The following SV2C variants were observed in gnomAD, a reference collection of about 807,000 sequenced individuals.
SV2C encodes solute carrier family 22 member B3.
SV2C carries 49 observed loss-of-function variants against 79.7 expected under a neutral mutation model. The ratio of observed to expected loss-of-function variants is 0.61; its 90% CI spans 0.49 to 0.78. The LOEUF is 0.78. SV2C is among the 30% of genes least tolerant of loss of function. The pLI, the probability that SV2C is intolerant of heterozygous loss-of-function variation, is 0.00. For synonymous variants in SV2C, 334 were observed against 333.2 expected, an observed-to-expected ratio of 1.00 and a Z score of -0.03; for missense variants, 833 against 912.9, an observed-to-expected ratio of 0.91 and a Z score of 1.13.
chr5:75,936,388 T>C, the SV2C span, among the ~76,000 whole-genome samples: 1 of 152,196 alleles, frequency 6.6e-6, no homozygotes, highest in Admixed American at 6.5e-5. Context: ...AGAAAGACTT[T>C]GATTGTGTCA....
chr5:76,030,092 A>G, the SV2C span, among the ~76,000 whole-genome samples: 1 of 152,100 alleles, frequency 6.6e-6, no homozygotes, highest in African/African-American at 2.4e-5. Flanking sequence ...AAGGATTTTA[A>G]TGATTACCTA....
chr5:76,025,911 A>T, the SV2C span, among the ~76,000 whole-genome samples: 1 of 152,196 alleles, frequency 6.6e-6, no homozygotes, highest in South Asian at 2.1e-4. Context: ...TAGATGAGAC[A>T]TGTTTTTCAG....
chr5:76,197,521 G>C (rs188835869), intron 3 of SV2C, among the ~76,000 whole-genome samples: 1 of 152,108 alleles, frequency 6.6e-6, no homozygotes, highest in Non-Finnish European at 1.5e-5. Context: ...GCTGAGGGGG[G>C]AGTCATGTGA....
intron 1 of SV2C, among the ~76,000 whole-genome samples, chr5:76,099,823 C>A (rs1341177121): frequency 6.6e-6 from 1 of 152,158 alleles, no homozygotes; most frequent in Non-Finnish European, 1.5e-5. Flanking sequence ...AATTTCTCAT[C>A]CACCATTTCA....
At chr5:76,012,401 T>G in the SV2C span, among the ~76,000 whole-genome samples, 1 of 152,226 alleles carries the variant, frequency 6.6e-6, no homozygotes, top group African/African-American at 2.4e-5. Flanking sequence ...GCCACACAAA[T>G]GTCTTCTTTT....
chr5:76,347,846 A>C (rs1025107593), intron 12 of SV2C, among the ~76,000 whole-genome samples: 1 of 152,206 alleles, frequency 6.6e-6, no homozygotes, highest in African/African-American at 2.4e-5. Context: ...CTGCCCTGAT[A>C]CACAGCCTTT....
At chr5:76,108,953 C>T (rs1748013925) in intron 1 of SV2C, among the ~76,000 whole-genome samples, 1 of 152,042 alleles carries the variant, frequency 6.6e-6, no homozygotes, top group African/African-American at 2.4e-5. Flanking sequence ...GCCCAAGGTC[C>T]CCAGCCAATA....
chr5:76,144,442 A>G lies in SV2C; in HGVS notation c.580+12112A>G, dbSNP rs1749356769. Among the ~76,000 whole-genome samples the G allele has an allele frequency of 2.6e-5, 4 of 152,160 alleles. No homozygotes were observed. The South Asian group carries it at 8.3e-4, about 31-fold the overall frequency. The stretch of plus-strand genomic sequence containing the variant: ...AATCCAGCCCTTTCACTCACCATTC[A>G]TCTTGGTTTAGGGCTGCTTTTATTT... On this transcript the variant is annotated intron_variant, in intron 2 of 12. Coordinates refer to ENST00000502798, the MANE Select transcript of SV2C (RefSeq NM_014979.4).
chr5:76,014,429 T>G, the SV2C span, among the ~76,000 whole-genome samples: 3 of 152,194 alleles, frequency 2.0e-5, no homozygotes, highest in Admixed American at 6.5e-5. Flanking sequence ...ACTGGCATAA[T>G]TTAGACTTTT....
the SV2C span, among the ~76,000 whole-genome samples, chr5:75,871,816 AATATATATAT>A: frequency 1.7e-5 from 2 of 116,884 alleles, no homozygotes; most frequent in African/African-American, 3.5e-5. Context: ...CAAATATATA[AATATATATAT>A]ATATATATAC....
intron 11 of SV2C, 42 bp from the exon 12 acceptor site, chr5:76,301,344 A>T (rs1747989692): frequency 2.5e-6 from 4 of 1,609,226 alleles, no homozygotes. Context: ...CTTTACTAAG[A>T]TGACAGGAAA....
the SV2C span, among the ~76,000 whole-genome samples, chr5:75,984,212 A>T: frequency 5.9e-5 from 9 of 152,210 alleles, no homozygotes; most frequent in Non-Finnish European, 1.3e-4. Flanking sequence ...TTGTGGAGGT[A>T]GAATTAGGAT....
chr5:75,906,170 A>G, the SV2C span, among the ~76,000 whole-genome samples: 1 of 152,206 alleles, frequency 6.6e-6, no homozygotes, highest in East Asian at 1.9e-4. Flanking sequence ...CAACCAAAAA[A>G]GGCTTCTCTC....
chr5:76,245,080 G>A (rs1745903864), intron 4 of SV2C, among the ~76,000 whole-genome samples: 1 of 152,188 alleles, frequency 6.6e-6, no homozygotes, highest in Non-Finnish European at 1.5e-5. Flanking sequence ...TTCCCCTCAA[G>A]TGTAAGATCC....
At chr5:75,995,877 T>C in the SV2C span, among the ~76,000 whole-genome samples, 1 of 152,078 alleles carries the variant, frequency 6.6e-6, no homozygotes. Context: ...AAGGAGAATA[T>C]ATAAAATCAT....
chr5:76,294,304 CTTTT>C (rs70979391), intron 8 of SV2C, among the ~76,000 whole-genome samples: 2 of 129,506 alleles, frequency 1.5e-5, no homozygotes, highest in Non-Finnish European at 1.6e-5. Context: ...TTCTCTCTCT[CTTTT>C]TTTTTTTTTT....
the SV2C span, among the ~76,000 whole-genome samples, chr5:76,058,510 C>A: frequency 6.6e-6 from 1 of 152,046 alleles, no homozygotes; most frequent in African/African-American, 2.4e-5. Context: ...ATTCTCATTT[C>A]TATGGAACTT....
intron 2 of SV2C, among the ~76,000 whole-genome samples, chr5:76,147,485 G>C (rs1254683200): frequency 1.3e-5 from 2 of 152,184 alleles, no homozygotes; most frequent in Admixed American, 6.5e-5. Context: ...TGTTCCTGTA[G>C]CTTTCTTCTT....
the SV2C span, among the ~76,000 whole-genome samples, chr5:75,993,117 G>A: frequency 6.8e-6 from 1 of 146,732 alleles, no homozygotes; most frequent in African/African-American, 2.7e-5. Context: ...GAGAAATAGA[G>A]TATTTTAGAG....
Sources: gnomAD v4.1 joint callset for allele counts (sites outside exome capture counted in the v4.1 genomes callset) on GRCh38, gnomAD v4.1.1 for gene constraint, MANE v1.5 for transcripts, NCBI Gene and HGNC (gene_info 2026-07-23, HGNC 2026-07-21) for gene names.